HS6ST3: variants seen among roughly 807,000 people sequenced by gnomAD.
HS6ST3 encodes heparan sulfate 6-O-sulfotransferase 3.
Under a neutral mutation model 36.7 loss-of-function variants are expected in HS6ST3, and 12 were observed. The ratio of observed to expected loss-of-function variants is 0.33; its 90% CI spans 0.21 to 0.53. The LOEUF (loss-of-function observed/expected upper bound fraction) is 0.53. Among genes scored for constraint, HS6ST3 ranks in the 20% least tolerant of loss-of-function variants. HS6ST3 has a pLI of 0.95. For synonymous variants in HS6ST3, 240 were observed against 257.5 expected (o/e 0.93, Z 0.65); for missense variants, 584 against 640.9 (o/e 0.91, Z 0.96).
chr13:96,564,782 A>G (rs1050735309), intron 1 of HS6ST3, among the ~76,000 whole-genome samples: 3 of 152,180 alleles, frequency 2.0e-5, no homozygotes, highest in African/African-American at 7.2e-5. Context: ...TAGTCCTCAA[A>G]TAGAGGAATA....
chr13:96,152,894 T>C (rs1286423882), intron 1 of HS6ST3, among the ~76,000 whole-genome samples: 3 of 152,168 alleles, frequency 2.0e-5, no homozygotes, highest in Admixed American at 6.5e-5. Context: ...CTAGCCTGAC[T>C]GCTTGTGATT....
intron 1 of HS6ST3, among the ~76,000 whole-genome samples, chr13:96,549,612 A>G (rs1465049956): frequency 1.3e-5 from 2 of 152,216 alleles, no homozygotes; most frequent in Non-Finnish European, 2.9e-5. Context: ...ATTGTAAAAT[A>G]TAAACTTTAG....
chr13:96,339,590 A>C (rs2055119779), intron 1 of HS6ST3, among the ~76,000 whole-genome samples: 1 of 152,210 alleles, frequency 6.6e-6, no homozygotes, highest in Non-Finnish European at 1.5e-5. Flanking sequence ...AGGAGCCCCC[A>C]GTATCAAAGA....
intron 1 of HS6ST3, among the ~76,000 whole-genome samples, chr13:96,765,252 T>G (rs1283810258): frequency 6.6e-6 from 1 of 152,046 alleles, no homozygotes; most frequent in East Asian, 1.9e-4. Flanking sequence ...TTTTGTATTT[T>G]TAGTAGTGAC....
At chr13:96,195,923 G>T (rs1285852471) in intron 1 of HS6ST3, among the ~76,000 whole-genome samples, 6 of 152,096 alleles carry the variant, frequency 3.9e-5, no homozygotes, top group African/African-American at 1.4e-4. Flanking sequence ...AGTAAAATAT[G>T]CGCTCGATAA....
intron 1 of HS6ST3, among the ~76,000 whole-genome samples, chr13:96,423,406 T>C (rs1340732859): frequency 6.6e-6 from 1 of 151,860 alleles, no homozygotes; most frequent in Non-Finnish European, 1.5e-5. Context: ...TAAAAGTGGA[T>C]GCTGTCAGGT....
intron 1 of HS6ST3, among the ~76,000 whole-genome samples, chr13:96,097,642 A>G (rs1456365200): frequency 1.3e-5 from 2 of 152,218 alleles, no homozygotes; most frequent in Non-Finnish European, 2.9e-5. Flanking sequence ...TAGATTGTAG[A>G]TATCATTTAT....
At chr13:96,827,295 A>G (rs962273008) in intron 1 of HS6ST3, among the ~76,000 whole-genome samples, 1 of 152,210 alleles carries the variant, frequency 6.6e-6, no homozygotes, top group Non-Finnish European at 1.5e-5. Context: ...AGGTGGGGGC[A>G]TAGGAGTTTG....
chr13:96,483,577 G>T (rs2055899884), intron 1 of HS6ST3, among the ~76,000 whole-genome samples: 1 of 152,202 alleles, frequency 6.6e-6, no homozygotes, highest in Non-Finnish European at 1.5e-5. Flanking sequence ...GAAGAATAAA[G>T]AGTGCTTTCA....
At chr13:96,537,971 A>T (rs1299998476) in intron 1 of HS6ST3, among the ~76,000 whole-genome samples, 1 of 152,190 alleles carries the variant, frequency 6.6e-6, no homozygotes, top group African/African-American at 2.4e-5. Context: ...TGAGCATGAG[A>T]TAAAGTCACT....
intron 1 of HS6ST3, among the ~76,000 whole-genome samples, chr13:96,651,298 C>CT (rs2056606297): frequency 6.6e-6 from 1 of 151,960 alleles, no homozygotes; most frequent in Non-Finnish European, 1.5e-5. Flanking sequence ...CTGGGATGTT[C>CT]TTTTTTGCCC....
chr13:96,396,139 C>T (rs1309684040), intron 1 of HS6ST3, among the ~76,000 whole-genome samples: 1 of 151,970 alleles, frequency 6.6e-6, no homozygotes, highest in Non-Finnish European at 1.5e-5. Context: ...CATGGAGAAA[C>T]CCTGTCTCTA....
intron 1 of HS6ST3, among the ~76,000 whole-genome samples, chr13:96,200,490 T>G (rs1381361700): frequency 6.6e-6 from 1 of 152,210 alleles, no homozygotes; most frequent in East Asian, 1.9e-4. Flanking sequence ...TATTGCACTC[T>G]TATAAAGCAT....
intron 1 of HS6ST3, among the ~76,000 whole-genome samples, chr13:96,428,347 A>G (rs1164590): frequency 0.52 from 79,614 of 152,030 alleles, 20,995 homozygotes; most frequent in Non-Finnish European, 0.58. Flanking sequence ...CTCCGTCTCA[A>G]AAAACAAACA....
chr13:96,798,556 G>T (rs1877968356), intron 1 of HS6ST3, among the ~76,000 whole-genome samples: 1 of 151,982 alleles, frequency 6.6e-6, no homozygotes, highest in South Asian at 2.1e-4. Flanking sequence ...AACATCACAG[G>T]GATCCTATAG....
At chr13:96,790,349 G>C (rs1307433859) in intron 1 of HS6ST3, among the ~76,000 whole-genome samples, 2 of 150,746 alleles carry the variant, frequency 1.3e-5, no homozygotes, top group East Asian at 1.9e-4. Flanking sequence ...GTCATTGTTG[G>C]AAATGATCAA....
intron 1 of HS6ST3, among the ~76,000 whole-genome samples, chr13:96,450,074 C>T (rs376699002): frequency 9.9e-5 from 15 of 152,280 alleles, no homozygotes; most frequent in African/African-American, 2.9e-4. Context: ...GCCTTATGTT[C>T]CAAAGACCCA....
At chr13:96,286,954 G>A (rs1277826618) in intron 1 of HS6ST3, among the ~76,000 whole-genome samples, 1 of 151,882 alleles carries the variant, frequency 6.6e-6, no homozygotes, top group African/African-American at 2.4e-5. Flanking sequence ...GTGTGTGCGT[G>A]TGTGTGTGTG....
chr13:96,457,128 T>A (rs567176150), intron 1 of HS6ST3, among the ~76,000 whole-genome samples: 11 of 152,138 alleles, frequency 7.2e-5, no homozygotes, highest in Non-Finnish European at 1.5e-4. Flanking sequence ...CTCATTAGAA[T>A]CCCTGCTCTT....
Sources: gnomAD v4.1 joint callset for allele counts (sites outside exome capture counted in the v4.1 genomes callset) on GRCh38, gnomAD v4.1.1 for gene constraint, MANE v1.5 for transcripts, NCBI Gene and HGNC (gene_info 2026-07-23, HGNC 2026-07-21) for gene names.